The following PDZRN3 variants were observed in gnomAD, a reference collection of about 807,000 sequenced individuals.
PDZRN3 encodes E3 ubiquitin-protein ligase PDZRN3.
In PDZRN3, 38 loss-of-function variants were observed where a neutral mutation model predicts 85.7. The ratio of observed to expected loss-of-function variants is 0.44; its 90% CI spans 0.34 to 0.58. PDZRN3 has a LOEUF of 0.58. PDZRN3 is among the 20% of genes least tolerant of loss of function. The probability of loss-of-function intolerance (pLI) is 0.01; values close to 1 mark genes in which losing one functional copy is unlikely to be tolerated. For synonymous variants in PDZRN3, 759 were observed against 638.0 expected, an observed-to-expected ratio of 1.19 and a Z score of -2.86; for missense variants, 1,629 against 1,506.4, an observed-to-expected ratio of 1.08 and a Z score of -1.35.
intron 3 of PDZRN3, among the ~76,000 whole-genome samples, chr3:73,461,570 T>TC (rs1703104476): frequency 6.6e-6 from 1 of 152,242 alleles, no homozygotes; most frequent in Non-Finnish European, 1.5e-5. Flanking sequence ...CTCCCCATCC[T>TC]CACCCTACAA....
intron 2 of PDZRN3, 115 bp from the exon 3 acceptor site, chr3:73,602,576 G>C: frequency 1.6e-6 from 1 of 629,070 alleles, no homozygotes. Context: ...GTGGCAATAG[G>C]GTAAAAGGTA....
chr3:73,508,079 A>T (rs1478905201), intron 3 of PDZRN3, among the ~76,000 whole-genome samples: 1 of 151,746 alleles, frequency 6.6e-6, no homozygotes, highest in Admixed American at 6.6e-5. Flanking sequence ...TGGGTGACTG[A>T]GACGGTCTCA....
intron 5 of PDZRN3, 101 bp downstream of exon 5, chr3:73,400,821 C>T: frequency 1.2e-6 from 1 of 834,798 alleles, no homozygotes; most frequent in Non-Finnish European, 2.1e-6. Context: ...TTGTTACTTT[C>T]CATCGGCATC....
chr3:73,517,282 T>C (rs911605852), intron 3 of PDZRN3, among the ~76,000 whole-genome samples: 3 of 152,232 alleles, frequency 2.0e-5, no homozygotes, highest in African/African-American at 4.8e-5. Flanking sequence ...TATAATACAA[T>C]TCAGAACAAA....
chr3:73,495,853 T>C (rs1024919057), intron 3 of PDZRN3, among the ~76,000 whole-genome samples: 7 of 152,204 alleles, frequency 4.6e-5, no homozygotes, highest in South Asian at 2.1e-4. Flanking sequence ...CTTCTTGCTT[T>C]TCAAGAACTG....
At chr3:73,619,217 T>G (rs944673913) in intron 1 of PDZRN3, among the ~76,000 whole-genome samples, 1 of 152,206 alleles carries the variant, frequency 6.6e-6, no homozygotes, top group African/African-American at 2.4e-5. Flanking sequence ...CTGAAAAGTT[T>G]TGATGACTGC....
At chr3:73,588,025 T>G (rs1246871992) in intron 3 of PDZRN3, among the ~76,000 whole-genome samples, 1 of 152,142 alleles carries the variant, frequency 6.6e-6, no homozygotes, top group Non-Finnish European at 1.5e-5. Flanking sequence ...GTTTAATAGG[T>G]ATATGTGTGC....
intron 3 of PDZRN3, among the ~76,000 whole-genome samples, chr3:73,428,472 T>G (rs534138730): frequency 6.6e-6 from 1 of 152,176 alleles, no homozygotes; most frequent in Non-Finnish European, 1.5e-5. Flanking sequence ...AGAGTAACAG[T>G]GGTGATGAGA....
At chr3:73,430,951 A>G (rs1702418947) in intron 3 of PDZRN3, among the ~76,000 whole-genome samples, 4 of 152,170 alleles carry the variant, frequency 2.6e-5, no homozygotes, top group Admixed American at 2.6e-4. Flanking sequence ...CAACTGTTAA[A>G]TTTCAAATTT....
intron 5 of PDZRN3, 149 bp from the exon 6 acceptor site, chr3:73,391,265 G>GTGAT: frequency 6.9e-6 from 4 of 580,960 alleles, no homozygotes; most frequent in East Asian, 5.4e-5. Flanking sequence ...TAAACAAAAA[G>GTGAT]TGATTATGGA....
At chr3:73,404,677 C>T (rs1478434572) in intron 3 of PDZRN3, 1 of 356,642 alleles carries the variant, frequency 2.8e-6, no homozygotes, top group African/African-American at 2.0e-5. Context: ...ACTTGCTAAT[C>T]TTGCCTGTGA....
At chr3:73,543,097 A>G (rs746201076) in intron 3 of PDZRN3, among the ~76,000 whole-genome samples, 13 of 152,260 alleles carry the variant, frequency 8.5e-5, no homozygotes, top group Non-Finnish European at 1.9e-4. Flanking sequence ...GATGACATCT[A>G]GAGAGAAACC....
intron 2 of PDZRN3, among the ~76,000 whole-genome samples, chr3:73,604,769 C>T (rs1702569513): frequency 6.6e-6 from 1 of 152,174 alleles, no homozygotes; most frequent in Admixed American, 6.5e-5. Context: ...AGGATTTTGG[C>T]TTTCGTTTGT....
At chr3:73,417,128 G>T (rs1384248587) in intron 3 of PDZRN3, among the ~76,000 whole-genome samples, 4 of 151,980 alleles carry the variant, frequency 2.6e-5, no homozygotes, top group African/African-American at 7.3e-5. Context: ...CTCCCAAAGT[G>T]CTGGGATTAC....
chr3:73,385,832 G>A (rs976550000), intron 8 of PDZRN3, 47 bp from the exon 9 acceptor site: 1 of 1,068,726 alleles, frequency 9.4e-7, no homozygotes, highest in African/African-American at 1.6e-5. Flanking sequence ...TTCCTTTCAT[G>A]TTCATTTATG....
intron 3 of PDZRN3, among the ~76,000 whole-genome samples, chr3:73,519,412 C>G (rs1704312922): frequency 6.6e-6 from 1 of 152,134 alleles, no homozygotes; most frequent in South Asian, 2.1e-4. Context: ...GCGATATATA[C>G]CAAACTGACA....
At chr3:73,427,335 T>TC (rs1205048575) in intron 3 of PDZRN3, among the ~76,000 whole-genome samples, 1 of 152,192 alleles carries the variant, frequency 6.6e-6, no homozygotes, top group Admixed American at 6.5e-5. Flanking sequence ...TGAAGGCTGT[T>TC]CCCTGCTTAA....
chr3:73,587,461 G>A (rs973749443), intron 3 of PDZRN3, among the ~76,000 whole-genome samples: 1 of 152,170 alleles, frequency 6.6e-6, no homozygotes, highest in Non-Finnish European at 1.5e-5. Context: ...CCGCACGACG[G>A]ACAAATGTAC....
intron 3 of PDZRN3, among the ~76,000 whole-genome samples, chr3:73,559,066 C>T (rs146105508): frequency 1.3e-5 from 2 of 152,240 alleles, no homozygotes; most frequent in East Asian, 1.9e-4. Context: ...CAATAAGACC[C>T]CAGGCACACC....
Sources: allele counts gnomAD v4.1 joint callset (sites outside exome capture counted in the v4.1 genomes callset), GRCh38; gene constraint gnomAD v4.1.1; transcripts MANE v1.5; gene names NCBI Gene and HGNC (gene_info 2026-07-23, HGNC 2026-07-21).